The following MYLK4 variants were observed in gnomAD, a reference collection of about 807,000 sequenced individuals.
MYLK4 encodes the protein caMLCK like.
Under a neutral mutation model 48.1 loss-of-function variants are expected in MYLK4, and 46 were observed. The observed-to-expected ratio is 0.96, with a 90% confidence interval of 0.75 to 1.22. The LOEUF is 1.22. Ranked by LOEUF, MYLK4 falls within the 50% of genes most tolerant of loss-of-function variation. The pLI is 0.00. For synonymous variants in MYLK4, 170 were observed against 180.8 expected (o/e 0.94, Z 0.48); for missense variants, 451 against 486.1 (o/e 0.93, Z 0.68).
chr6:2,720,565 A>G (rs979941067), intron 2 of MYLK4, among the ~76,000 whole-genome samples: 7 of 152,236 alleles, frequency 4.6e-5, no homozygotes, highest in African/African-American at 1.7e-4. Context: ...CAAAAACTGC[A>G]GTTACCTTTG....
At chr6:2,754,196 A>G (rs1764366305), upstream of MYLK4, among the ~76,000 whole-genome samples, 1 of 152,236 alleles carries the variant, frequency 6.6e-6, no homozygotes, top group Non-Finnish European at 1.5e-5. Flanking sequence ...AAATGAAAAC[A>G]TATGAACACA....
At chr6:2,737,564 G>GA (rs1379515891) in intron 2 of MYLK4, among the ~76,000 whole-genome samples, 1 of 152,178 alleles carries the variant, frequency 6.6e-6, no homozygotes, top group African/African-American at 2.4e-5. Flanking sequence ...GAAAAGGAGA[G>GA]ATGTAAGATA....
the MYLK4 span, among the ~76,000 whole-genome samples, chr6:2,762,790 G>A: frequency 6.6e-6 from 1 of 152,116 alleles, no homozygotes; most frequent in African/African-American, 2.4e-5. Flanking sequence ...GAAATCAACT[G>A]GCAGACCTTC....
chr6:2,749,129 T>A lies in MYLK4; in HGVS notation c.159+7A>T. On this transcript the variant is annotated splice_region_variant and intron_variant, in intron 2 of 12. Coordinates refer to ENST00000274643, the MANE Select transcript of MYLK4 (RefSeq NM_001012418.5). ...CTTTTTAGGAGACTAAATTAGAACA[T>A]GATTACCTCATTATGTCCAGATCTT... 1.2e-6 allele frequency: 2 copies of A among 1,612,136 alleles called. No individual in the cohort carries two copies. The highest frequency in any genetic ancestry group is 1.7e-5 in the Admixed American group (1 of 59,762).
intron 2 of MYLK4, among the ~76,000 whole-genome samples, chr6:2,737,299 G>A (rs893883359): frequency 2.0e-5 from 3 of 152,370 alleles, no homozygotes; most frequent in Admixed American, 6.5e-5. Context: ...GCGACAGAGC[G>A]AGACGCCATC....
chr6:2,751,204 A>G (rs1178280296), upstream of MYLK4, among the ~76,000 whole-genome samples: 14 of 152,126 alleles, frequency 9.2e-5, no homozygotes, highest in Non-Finnish European at 8.8e-5. Context: ...CCCCTTTCAG[A>G]CTCAGGATTA....
intron 6 of MYLK4, 75 bp from the exon 7 acceptor site, chr6:2,683,237 C>A: frequency 6.5e-7 from 1 of 1,534,392 alleles, no homozygotes; most frequent in Non-Finnish European, 8.9e-7. Context: ...AGTGACTTGT[C>A]GTGCAAGTTC....
chr6:2,716,549 T>C (rs1365601221), intron 2 of MYLK4, among the ~76,000 whole-genome samples: 3 of 152,238 alleles, frequency 2.0e-5, no homozygotes, highest in Non-Finnish European at 4.4e-5. Flanking sequence ...CATGCTAGTA[T>C]GTGGTATTCA....
In MYLK4 at chr6:2,683,407, G is replaced by T. The variant is rs1208502903; in HGVS notation, c.546-245C>A. Among the ~76,000 whole-genome samples the T allele has an allele frequency of 1.4e-3, 165 of 120,232 alleles. 3 individuals are homozygous for T. Among genetic ancestry groups the T allele is most frequent in the Admixed American group, 3.0e-3 (30 of 10,140 alleles). 78.9% of individuals were successfully genotyped at this position (120,232 alleles called of 152,430 possible). ...CCCACCTTTTTGTGTGTGTGTGTGT[G>T]TGTGTGTGTGTGTGTGTGTGTGTGT... On this transcript the variant is annotated intron_variant, in intron 6 of 12. Coordinates refer to ENST00000274643, the MANE Select transcript of MYLK4 (RefSeq NM_001012418.5).
chr6:2,762,629 C>G, the MYLK4 span, among the ~76,000 whole-genome samples: 4 of 152,230 alleles, frequency 2.6e-5, no homozygotes, highest in African/African-American at 9.7e-5. Flanking sequence ...TGTGATGCTC[C>G]TGCAATAATC....
At chr6:2,728,519 C>A (rs1022161058) in intron 2 of MYLK4, among the ~76,000 whole-genome samples, 3 of 152,188 alleles carry the variant, frequency 2.0e-5, no homozygotes, top group African/African-American at 7.2e-5. Flanking sequence ...TCATCTCCTG[C>A]CACTTCCTGT....
chr6:2,740,238 T>G (rs1377179331), intron 2 of MYLK4, among the ~76,000 whole-genome samples: 1 of 152,106 alleles, frequency 6.6e-6, no homozygotes, highest in African/African-American at 2.4e-5. Flanking sequence ...TAGGTGCACC[T>G]CTCCTTGTCC....
intron 2 of MYLK4, among the ~76,000 whole-genome samples, chr6:2,732,273 C>G (rs1763504507): frequency 6.6e-6 from 1 of 152,138 alleles, no homozygotes; most frequent in Admixed American, 6.5e-5. Context: ...GCCTTTTATG[C>G]ACAGTATATA....
chr6:2,726,997 C>A (rs929247318), intron 2 of MYLK4, among the ~76,000 whole-genome samples: 2 of 152,166 alleles, frequency 1.3e-5, no homozygotes, highest in African/African-American at 2.4e-5. Flanking sequence ...TATCTCACAG[C>A]GGGAGAGATC....
At chr6:2,669,257 C>T (rs1386996119) in intron 12 of MYLK4, among the ~76,000 whole-genome samples, 2 of 152,204 alleles carry the variant, frequency 1.3e-5, no homozygotes, top group Non-Finnish European at 2.9e-5. Flanking sequence ...CAAGCAGTTC[C>T]AGCAGAGGCT....
the MYLK4 span, among the ~76,000 whole-genome samples, chr6:2,758,708 A>C: frequency 6.6e-6 from 1 of 152,070 alleles, no homozygotes; most frequent in Non-Finnish European, 1.5e-5. Context: ...TGGCAGTTTT[A>C]GTTTGTTTGA....
the MYLK4 span, among the ~76,000 whole-genome samples, chr6:2,762,705 A>G: frequency 6.6e-6 from 1 of 152,202 alleles, no homozygotes; most frequent in African/African-American, 2.4e-5. Context: ...ATAGACCCTC[A>G]CGGAAACTGT....
chr6:2,728,866 C>T (rs1763379474), intron 2 of MYLK4, among the ~76,000 whole-genome samples: 1 of 152,238 alleles, frequency 6.6e-6, no homozygotes, highest in Admixed American at 6.5e-5. Context: ...GCTATCTCTG[C>T]TGCTGACCTC....
chr6:2,766,216 C>T, the MYLK4 span: 61 of 1,472,098 alleles, frequency 4.1e-5, no homozygotes, highest in African/African-American at 8.1e-4. Flanking sequence ...AAGCCGCCAC[C>T]GCCTTCGGGG....
Sources: gnomAD v4.1 joint callset for allele counts (sites outside exome capture counted in the v4.1 genomes callset) on GRCh38, gnomAD v4.1.1 for gene constraint, MANE v1.5 for transcripts, NCBI Gene and HGNC (gene_info 2026-07-23, HGNC 2026-07-21) for gene names.